YME1L1: variants seen among roughly 807,000 people sequenced by gnomAD.
YME1L1 encodes ATP-dependent zinc metalloprotease YME1L1.
YME1L1 carries 39 observed loss-of-function variants against 90.4 expected under a neutral mutation model. The observed-to-expected ratio is 0.43, with a 90% CI of 0.33 to 0.56. The LOEUF (loss-of-function observed/expected upper bound fraction) is 0.56, where lower values mean the gene tolerates loss of function less well. Among genes scored for constraint, YME1L1 ranks in the 20% least tolerant of loss-of-function variants. YME1L1 has a pLI of 0.03. For missense variants in YME1L1, 617 were observed against 868.4 expected, an observed-to-expected ratio of 0.71 and a Z score of 3.64; for synonymous variants, 284 against 287.3, an observed-to-expected ratio of 0.99 and a Z score of 0.12.
At chr10:27,127,156 G>A (rs2056928900) in intron 8 of YME1L1, among the ~76,000 whole-genome samples, 1 of 152,184 alleles carries the variant, frequency 6.6e-6, no homozygotes, top group African/African-American at 2.4e-5. Flanking sequence ...TCCAATTAAT[G>A]TCAAGATTCG....
intron 4 of YME1L1, among the ~76,000 whole-genome samples, chr10:27,139,479 C>G (rs964642612): frequency 6.6e-6 from 1 of 152,024 alleles, no homozygotes; most frequent in Non-Finnish European, 1.5e-5. Flanking sequence ...TATGCTAATA[C>G]TAAAAAGTTT....
intron 2 of YME1L1, chr10:27,146,154 C>T (rs2057141643): frequency 6.6e-6 from 1 of 152,168 alleles, no homozygotes; most frequent in Non-Finnish European, 1.5e-5. Flanking sequence ...TGATAATCCT[C>T]ACCAGTCCAT....
intron 1 of YME1L1, 125 bp from the exon 2 acceptor site, chr10:27,149,165 CTG>C (rs1405887673): frequency 1.4e-5 from 11 of 781,946 alleles, no homozygotes; most frequent in Non-Finnish European, 2.2e-5. Flanking sequence ...ATACTAAAAA[CTG>C]TAAGTACTCA....
chr10:27,140,616 T>C (rs2135888556), intron 4 of YME1L1, among the ~76,000 whole-genome samples: 1 of 152,214 alleles, frequency 6.6e-6, no homozygotes, highest in Admixed American at 6.5e-5. Context: ...GTAGCTGGGA[T>C]TACAGGCACA....
intron 13 of YME1L1, 65 bp from the exon 14 acceptor site, chr10:27,119,514 G>A: frequency 6.6e-7 from 1 of 1,523,704 alleles, no homozygotes; most frequent in Non-Finnish European, 8.8e-7. Context: ...TCTTCACAAA[G>A]AACTCACATT....
At chr10:27,121,924 C>T (rs1313840510) in intron 11 of YME1L1, among the ~76,000 whole-genome samples, 9 of 151,990 alleles carry the variant, frequency 5.9e-5, no homozygotes, top group African/African-American at 1.9e-4. Context: ...TTAGTAAAGA[C>T]GGGGTTTCAC....
rs2057136191 is a variant in YME1L1 at position 27,145,600 on chromosome 10, A to T, written c.169-10T>A. The T allele has an allele frequency of 6.2e-7, 1 of 1,608,040 alleles. No homozygotes were observed. The highest frequency in any genetic ancestry group is 1.7e-5 in the Admixed American group (1 of 59,734). ...TTAAGTTAAGTGAAGGCTGTAAAAGATTGGGTCAACCAGGTATGCATTAAT... is the reference window on the plus strand; with the variant it reads ...TTAAGTTAAGTGAAGGCTGTAAAAGTTTGGGTCAACCAGGTATGCATTAAT... On this transcript the variant is annotated splice_polypyrimidine_tract_variant and intron_variant, in intron 2 of 18. Transcript: ENST00000376016.
At chr10:27,126,854 C>T (rs1442005110) in intron 8 of YME1L1, 68 bp from the exon 9 acceptor site, 1 of 879,892 alleles carries the variant, frequency 1.1e-6, no homozygotes, top group Non-Finnish European at 1.7e-6. Context: ...TCAAGGCTTC[C>T]CTTTTGAAAA....
chr10:27,129,731 T>A (rs2056958315), intron 8 of YME1L1, among the ~76,000 whole-genome samples: 1 of 112,374 alleles, frequency 8.9e-6, no homozygotes, highest in African/African-American at 3.5e-5. Flanking sequence ...AAAAAAAAAA[T>A]CAGTAGAAAA....
At chr10:27,115,144 T>C (rs1375173129) in intron 17 of YME1L1, among the ~76,000 whole-genome samples, 1 of 152,032 alleles carries the variant, frequency 6.6e-6, no homozygotes, top group Non-Finnish European at 1.5e-5. Context: ...TCCCAGCTAC[T>C]TGGGAGGCTG....
At chr10:27,138,293 G>A (rs993423578) in intron 4 of YME1L1, among the ~76,000 whole-genome samples, 3 of 151,952 alleles carry the variant, frequency 2.0e-5, no homozygotes, top group Admixed American at 1.3e-4. Context: ...CCCTTCATTA[G>A]TATTCTTTTA....
chr10:27,140,929 C>A (rs11015565), intron 4 of YME1L1, among the ~76,000 whole-genome samples: 36,656 of 152,038 alleles, frequency 0.24, 4,977 homozygotes, highest in East Asian at 0.56. Context: ...AGTTTTTATA[C>A]ATCTTCCAAC....
Position 27,111,975 on chromosome 10 carries a change from T to C in YME1L1, c.*2A>G. 1.2e-6 allele frequency: 2 copies of C among 1,614,018 alleles called. No individual in the cohort carries two copies. The highest frequency in any genetic ancestry group is 1.1e-5 in the South Asian group (1 of 91,068). On this transcript the variant is annotated 3_prime_UTR_variant, in exon 19 of 19. Coordinates refer to ENST00000376016, the MANE Select transcript of YME1L1 (RefSeq NM_014263.4). ...CAGCAAGCATCCATATCAAGAGAGTTATCATCTCACTTCCAACTTTTTCCC... is the reference window on the plus strand; with the variant it reads ...CAGCAAGCATCCATATCAAGAGAGTCATCATCTCACTTCCAACTTTTTCCC...
chr10:27,120,154 T>TA (rs533571024), intron 13 of YME1L1, among the ~76,000 whole-genome samples: 200 of 152,224 alleles, frequency 1.3e-3, no homozygotes, highest in South Asian at 6.2e-3. Flanking sequence ...ACATTCATCT[T>TA]AAAAAAATGT....
chr10:27,131,821 G>A, intron 8 of YME1L1, 38 bp downstream of exon 8: 1 of 1,475,380 alleles, frequency 6.8e-7, no homozygotes, highest in Non-Finnish European at 9.4e-7. Context: ...ATCAATTAGA[G>A]GATGTATGAA....
intron 2 of YME1L1, chr10:27,146,727 A>G (rs2057147370): frequency 6.6e-6 from 1 of 152,244 alleles, no homozygotes; most frequent in African/African-American, 2.4e-5. Flanking sequence ...CTCTAAAAAT[A>G]AAGTTTTTTT....
chr10:27,150,931 T>C (rs2057206480), intron 1 of YME1L1, among the ~76,000 whole-genome samples: 1 of 120,706 alleles, frequency 8.3e-6, no homozygotes, highest in Admixed American at 7.5e-5. Context: ...TTTTTTTTTT[T>C]TTTTTTTTTT....
chr10:27,139,260 T>C (rs532827626), intron 4 of YME1L1, among the ~76,000 whole-genome samples: 1 of 152,070 alleles, frequency 6.6e-6, no homozygotes, highest in Non-Finnish European at 1.5e-5. Flanking sequence ...GGTGGCATGA[T>C]CATAGCTCAC....
intron 18 of YME1L1, among the ~76,000 whole-genome samples, chr10:27,112,699 G>A (rs1381555887): frequency 6.6e-6 from 1 of 152,004 alleles, no homozygotes; most frequent in Non-Finnish European, 1.5e-5. Context: ...ACTCAGCTCT[G>A]TCACTCTCTC....
Sources: gnomAD v4.1 joint callset for allele counts (sites outside exome capture counted in the v4.1 genomes callset) on GRCh38, gnomAD v4.1.1 for gene constraint, MANE v1.5 for transcripts, NCBI Gene and HGNC (gene_info 2026-07-23, HGNC 2026-07-21) for gene names.